LRSAM1: variants seen among roughly 807,000 people sequenced by gnomAD.
LRSAM1 encodes the protein E3 ubiquitin-protein ligase LRSAM1.
Under a neutral mutation model 118.1 loss-of-function variants are expected in LRSAM1, and 96 were observed. The ratio of observed to expected loss-of-function variants is 0.81; its 90% CI spans 0.69 to 0.96. The LOEUF (loss-of-function observed/expected upper bound fraction) is 0.96, where lower values mean the gene tolerates loss of function less well. Among genes scored for constraint, LRSAM1 ranks in the 40% least tolerant of loss-of-function variants. LRSAM1 has a pLI of 0.00. For missense variants in LRSAM1, 804 were observed against 915.5 expected (o/e 0.88, Z 1.57); for synonymous variants, 322 against 364.2 (o/e 0.88, Z 1.32).
rs542525370 is a variant in LRSAM1, at chr9:127,465,469, T to C, written c.529-2271T>C. 1.3e-5 allele frequency among the ~76,000 whole-genome samples: 2 copies of C among 152,376 alleles called. No homozygotes were observed. Among genetic ancestry groups the C allele is most frequent in the African/African-American group, 4.8e-5 (2 of 41,590 alleles). On this transcript the variant is annotated intron_variant, in intron 9 of 25. Coordinates refer to ENST00000300417, the MANE Select transcript of LRSAM1 (RefSeq NM_001005373.4). The surrounding 1 kb of genome is among the most constrained non-coding windows in gnomAD (Gnocchi z 4.1). The stretch of plus-strand genomic sequence containing the variant: ...TGGTATAGCCCACAGTCCGTGCCCT[T>C]AAGCCACCACGCTTTACTGATGGTG...
At chr9:127,483,657 C>T (rs1051134739) in intron 16 of LRSAM1, among the ~76,000 whole-genome samples, 1 of 151,972 alleles carries the variant, frequency 6.6e-6, no homozygotes, top group Non-Finnish European at 1.5e-5. Flanking sequence ...ATCTTAATCA[C>T]TTTATTTTAT....
chr9:127,491,084 C>G (rs1835916131), intron 19 of LRSAM1, 131 bp from the exon 20 acceptor site: 3 of 788,140 alleles, frequency 3.8e-6, no homozygotes, highest in Non-Finnish European at 6.8e-6. Context: ...CGCAGGTTCC[C>G]CTCATTCCAG....
At chr9:127,473,973 T>C in intron 11 of LRSAM1, 42 bp downstream of exon 11, 10 of 1,613,194 alleles carry the variant, frequency 6.2e-6, no homozygotes, top group South Asian at 1.1e-5. Flanking sequence ...TGTGTGTGTG[T>C]GCGTGTGCAT....
At chr9:127,483,051 C>A in intron 16 of LRSAM1, 31 bp downstream of exon 16, 1 of 1,602,472 alleles carries the variant, frequency 6.2e-7, no homozygotes, top group Admixed American at 1.7e-5. Flanking sequence ...CTTGTGAGCA[C>A]GCTGCCTGCT....
In LRSAM1 at chr9:127,492,768, C is replaced by T. The variant is rs532532023; in HGVS notation, c.1504-34C>T. On this transcript the variant is annotated intron_variant, in intron 20 of 25. Transcript: ENST00000300417. ...TGCGGGACTCCTGCGCTGCCGCCAG[C>T]TCACGGTGGTGCGGGGTGTGGTCTT... 8.1e-6 allele frequency: 13 copies of T among 1,603,348 alleles called. No individual in the cohort carries two copies. In the Admixed American group the frequency reaches 2.0e-4, roughly 25 times the overall value.
Position 127,499,529 on chromosome 9 carries a change from T to TAA in LRSAM1, c.1913-1473_1913-1472dup, listed in dbSNP as rs34940320. Among the ~76,000 whole-genome samples, 304 of 115,000 alleles carry TAA rather than the reference T, an allele frequency of 2.6e-3. 3 individuals carry two copies. The East Asian group carries it at 0.04, about 15-fold the overall frequency. The allele number at this position is 115,000 out of a possible 152,430, so 75.4% of individuals were successfully genotyped here. ...CTGGGTGACAGAGCAAGACCCTGTC[T>TAA]AAAAAAAAATATATATATATATATA... On this transcript the variant is annotated intron_variant, in intron 24 of 25. Transcript: ENST00000300417.
intron 9 of LRSAM1, among the ~76,000 whole-genome samples, chr9:127,463,255 G>A (rs1321946794): frequency 6.6e-6 from 1 of 151,752 alleles, no homozygotes; most frequent in Non-Finnish European, 1.5e-5. Context: ...GGGCAGCCCA[G>A]GTGCAGGAGG....
intron 8 of LRSAM1, 111 bp from the exon 9 acceptor site, chr9:127,462,141 C>A: frequency 6.7e-7 from 1 of 1,488,830 alleles, no homozygotes; most frequent in Non-Finnish European, 9.2e-7. Context: ...AACCTCAGAG[C>A]CCAGGATCTG....
At position 127,489,500 on chromosome 9, in the gene LRSAM1, T is replaced by C. The variant is rs757301622; in HGVS notation, c.1404T>C (p.His468=). ...EALQVKKDLM[H]RQIRSQIKLI... is the part of the protein sequence containing the mutation. Reference sequence around the variant, plus strand: ...TCCAGGTGAAGAAAGACCTGATGCATCGGCAGATCAGGAGCCAGGTGAGCG... The same window carrying C: ...TCCAGGTGAAGAAAGACCTGATGCACCGGCAGATCAGGAGCCAGGTGAGCG... Residue 468 remains histidine (H), a synonymous_variant, in exon 19 of 26, where the codon CAT becomes CAC. Coordinates refer to ENST00000300417, the MANE Select transcript of LRSAM1 (RefSeq NM_001005373.4). 6.8e-6 allele frequency: 11 copies of C among 1,609,344 alleles called. No homozygotes were observed. The highest frequency in any genetic ancestry group is 9.3e-6 in the Non-Finnish European group (11 of 1,178,490).
rs78767255 is a variant in LRSAM1 at position 127,492,438 on chromosome 9, C to T, written c.1504-364C>T. 1.0e-3 allele frequency among the ~76,000 whole-genome samples: 159 copies of T among 152,326 alleles called. 1 individual carries two copies. The highest frequency in any genetic ancestry group is 3.6e-3 in the African/African-American group (149 of 41,572). The stretch of plus-strand genomic sequence containing the variant: ...CAGGGACCCCAGGCTCTGGTTTGCA[C>T]GCACCTCCATTTGTGTGGGGCCCCA... On this transcript the variant is annotated intron_variant, in intron 20 of 25. Coordinates refer to ENST00000300417, the MANE Select transcript of LRSAM1 (RefSeq NM_001005373.4).
Position 127,457,396 on chromosome 9 carries a change from A to G in LRSAM1, c.252+3A>G, listed in dbSNP as rs764331245. On this transcript the variant is annotated splice_donor_region_variant and intron_variant, in intron 6 of 25. Transcript: ENST00000300417. ...TCCTGAGTCTGGCAACCATCAAGGT[A>G]CTGGGCCCTCCTCCCAGGCAGCTGG... 1.3e-5 allele frequency: 21 copies of G among 1,613,940 alleles called. No individual in the cohort carries two copies. Among genetic ancestry groups the G allele is most frequent in the Middle Eastern group, 1.6e-4 (1 of 6,084 alleles).
At chr9:127,470,132 C>T (rs574037519) in intron 10 of LRSAM1, among the ~76,000 whole-genome samples, 1 of 152,094 alleles carries the variant, frequency 6.6e-6, no homozygotes, top group South Asian at 2.1e-4. Context: ...ATCCTATGGC[C>T]CATGAGTTCC....
chr9:127,483,082 T>C, intron 16 of LRSAM1, 62 bp downstream of exon 16: 6 of 1,504,338 alleles, frequency 4.0e-6, no homozygotes, highest in Non-Finnish European at 4.6e-6. Flanking sequence ...GCAGGGTGGA[T>C]GGCCCTCCCT....
intron 2 of LRSAM1, chr9:127,453,920 G>A: frequency 5.7e-6 from 1 of 173,972 alleles, no homozygotes; most frequent in Non-Finnish European, 1.2e-5. Context: ...TGTGGCCCCT[G>A]CCCCCATGGA....
chr9:127,456,622 C>T (rs1300493837), intron 5 of LRSAM1, among the ~76,000 whole-genome samples: 5 of 151,956 alleles, frequency 3.3e-5, no homozygotes, highest in Non-Finnish European at 7.4e-5. Flanking sequence ...CCCAGCACTT[C>T]GGGAGGCCGA....
At chr9:127,489,645 G>A in intron 19 of LRSAM1, 127 bp downstream of exon 19, 1 of 1,064,400 alleles carries the variant, frequency 9.4e-7, no homozygotes, top group South Asian at 1.4e-5. Flanking sequence ...CCAACAAGAG[G>A]TCGAGGCCTT....
chr9:127,491,542 C>G (rs1358696629), intron 20 of LRSAM1, among the ~76,000 whole-genome samples: 1 of 152,236 alleles, frequency 6.6e-6, no homozygotes, highest in Non-Finnish European at 1.5e-5. Context: ...AGGAGGGTTT[C>G]ATTGCCAAGG....
At chr9:127,473,748 G>A in intron 10 of LRSAM1, 53 bp from the exon 11 acceptor site, 1 of 1,613,546 alleles carries the variant, frequency 6.2e-7, no homozygotes, top group Non-Finnish European at 8.5e-7. Flanking sequence ...GGTGTCTCTG[G>A]GTACCTCAGC....
chr9:127,483,011 G>T lies in LRSAM1; in HGVS notation c.1150G>T (p.Asp384Tyr), dbSNP rs1173851148. ...QEETESLRRR[D>Y]VASAMQQMLT... ...GGAGACTGAGAGCCTGCGGCGACGT[G>T]ACGTTGCCTGTGAGTTTTGGGATGG... The change falls in exon 16 of 26, where the codon GAC becomes TAC. Residue 384 changes from aspartate (D) to tyrosine (Y), a missense_variant. Transcript: ENST00000300417. 2.5e-6 allele frequency: 4 copies of T among 1,602,696 alleles called. No individual in the cohort carries two copies. The highest frequency in any genetic ancestry group is 2.3e-5 in the East Asian group (1 of 44,400).
Sources: gnomAD v4.1 joint callset for allele counts (sites outside exome capture counted in the v4.1 genomes callset) on GRCh38, gnomAD v4.1.1 for gene constraint, Gnocchi (gnomAD v3.1) non-coding constraint, MANE v1.5 for transcripts, NCBI Gene and HGNC (gene_info 2026-07-23, HGNC 2026-07-21) for gene names.